Variants in TENM3 observed in about 807,000 individuals in gnomAD.
The protein encoded by TENM3 is teneurin transmembrane protein 3.
In TENM3, 63 loss-of-function variants were observed where a neutral mutation model predicts 255.1. That is an observed-to-expected ratio of 0.25 (90% CI 0.20 to 0.30). The LOEUF is 0.30. Among genes scored for constraint, TENM3 ranks in the 10% least tolerant of loss-of-function variants. TENM3 has a pLI of 1.00. For synonymous variants in TENM3, 1,306 were observed against 1,322.3 expected (o/e 0.99, Z 0.27); for missense variants, 2,929 against 3,461.1 (o/e 0.85, Z 3.86).
the TENM3 span, among the ~76,000 whole-genome samples, chr4:181,503,195 A>T: frequency 6.6e-6 from 1 of 151,990 alleles, no homozygotes; most frequent in African/African-American, 2.4e-5. Flanking sequence ...CAAGACCCCC[A>T]TCTCTACAAA....
the TENM3 span, among the ~76,000 whole-genome samples, chr4:181,704,922 G>A: frequency 3.9e-5 from 6 of 152,036 alleles, no homozygotes; most frequent in African/African-American, 7.2e-5. Flanking sequence ...CTGGCTATTC[G>A]GGAGGCTGAG....
rs182240566 is a variant in TENM3 at position 182,735,482 on chromosome 4, A to G, written c.2968-1326A>G. Reference sequence around the variant, plus strand: ...TAAAGTTTGGAGGTGGCAGATAGACATCATCTTTAACTGTTCTATGTGGAG... The same window carrying G: ...TAAAGTTTGGAGGTGGCAGATAGACGTCATCTTTAACTGTTCTATGTGGAG... On this transcript the variant is annotated intron_variant, in intron 16 of 27. Transcript: ENST00000511685. Among the ~76,000 whole-genome samples, 268 of 152,310 alleles carry G rather than the reference A, an allele frequency of 1.8e-3. 1 individual carries two copies. The highest frequency in any genetic ancestry group is 3.2e-3 in the Non-Finnish European group (216 of 68,018).
intron 19 of TENM3, among the ~76,000 whole-genome samples, chr4:182,750,478 T>C (rs1762293655): frequency 6.6e-6 from 1 of 152,186 alleles, no homozygotes; most frequent in Admixed American, 6.5e-5. Context: ...TAAACAATTT[T>C]AAGAATAGAA....
At chr4:182,309,822 G>A (rs1580112109) in intron 1 of TENM3, among the ~76,000 whole-genome samples, 2 of 152,112 alleles carry the variant, frequency 1.3e-5, no homozygotes. Context: ...TAATGACAGC[G>A]GACATGATTC....
intron 1 of TENM3, among the ~76,000 whole-genome samples, chr4:182,289,373 G>A (rs891027845): frequency 3.3e-5 from 5 of 152,198 alleles, no homozygotes; most frequent in African/African-American, 1.2e-4. Flanking sequence ...ATATGTCATC[G>A]CCCCCTCTGC....
intron 7 of TENM3, among the ~76,000 whole-genome samples, chr4:182,677,188 C>T (rs1755737517): frequency 6.6e-6 from 1 of 152,098 alleles, no homozygotes. Context: ...TTGAATCGCC[C>T]TCCTGAATTC....
At chr4:181,592,457 G>GGACC in the TENM3 span, among the ~76,000 whole-genome samples, 1 of 151,650 alleles carries the variant, frequency 6.6e-6, no homozygotes, top group Non-Finnish European at 1.5e-5. Context: ...GCTTGACAGA[G>GGACC]GACCGGTCGC....
chr4:182,723,987 T>C (rs1481399086), intron 13 of TENM3, among the ~76,000 whole-genome samples: 2 of 152,266 alleles, frequency 1.3e-5, no homozygotes, highest in Admixed American at 1.3e-4. Flanking sequence ...TTAAAAATAA[T>C]GGACAGAAAA....
the TENM3 span, among the ~76,000 whole-genome samples, chr4:181,824,831 C>T: frequency 2.0e-5 from 3 of 152,250 alleles, no homozygotes; most frequent in South Asian, 6.2e-4. Context: ...CTAGCCATGT[C>T]CTGGTGGAAA....
rs186503197 is a variant in TENM3, at chr4:182,250,277, C to A, written c.-76+6801C>A. 5.9e-5 allele frequency among the ~76,000 whole-genome samples: 9 copies of A among 152,134 alleles called. No individual in the cohort carries two copies. In the East Asian group the frequency reaches 1.7e-3, roughly 29 times the overall value. On this transcript the variant is annotated intron_variant, in intron 1 of 27. Transcript: ENST00000511685. ...CTGTGTTAGCCAGGATGGTCTCGAT[C>A]TCCTGACCTCATGATCCACCCGCCT...
At chr4:182,679,071 C>T (rs970132339) in intron 7 of TENM3, among the ~76,000 whole-genome samples, 4 of 152,106 alleles carry the variant, frequency 2.6e-5, no homozygotes, top group Middle Eastern at 3.4e-3. Context: ...GTGTCAGGGG[C>T]TAGGGGAGGG....
chr4:181,805,817 T>C, the TENM3 span, among the ~76,000 whole-genome samples: 38,548 of 152,014 alleles, frequency 0.25, 5,347 homozygotes, highest in Non-Finnish European at 0.32. Flanking sequence ...TTATTTCCTT[T>C]CTCTAATTTG....
the TENM3 span, among the ~76,000 whole-genome samples, chr4:181,572,184 TC>T: frequency 0.33 from 50,320 of 152,046 alleles, 8,636 homozygotes; most frequent in Middle Eastern, 0.4. Flanking sequence ...TTCCCAAAGT[TC>T]GGAATGCTTG....
the TENM3 span, among the ~76,000 whole-genome samples, chr4:181,687,512 C>T: frequency 4.6e-5 from 7 of 152,120 alleles, no homozygotes; most frequent in African/African-American, 7.2e-5. Flanking sequence ...ATTCCTTTGA[C>T]GACTTGTTTC....
intron 1 of TENM3, among the ~76,000 whole-genome samples, chr4:182,277,010 T>TA (rs1158826535): frequency 6.6e-6 from 1 of 152,240 alleles, no homozygotes; most frequent in African/African-American, 2.4e-5. Context: ...GAAGCATTTA[T>TA]AAAAGGCCTC....
the TENM3 span, among the ~76,000 whole-genome samples, chr4:181,799,229 C>T: frequency 1.3e-5 from 2 of 152,242 alleles, no homozygotes; most frequent in South Asian, 2.1e-4. Flanking sequence ...ATTAATAAAG[C>T]GAGTGATAGC....
chr4:182,441,935 T>G (rs1772522757), intron 3 of TENM3, among the ~76,000 whole-genome samples: 1 of 152,114 alleles, frequency 6.6e-6, no homozygotes, highest in Non-Finnish European at 1.5e-5. Flanking sequence ...TGGAAGGAGC[T>G]ACAGACAAGT....
the TENM3 span, among the ~76,000 whole-genome samples, chr4:181,458,491 G>GA: frequency 6.6e-6 from 1 of 151,748 alleles, no homozygotes; most frequent in Non-Finnish European, 1.5e-5. Context: ...AATGCTTTTT[G>GA]AAAAAACAAG....
intron 3 of TENM3, among the ~76,000 whole-genome samples, chr4:182,577,084 G>A (rs6552577): frequency 0.53 from 80,164 of 151,898 alleles, 23,107 homozygotes; most frequent in Non-Finnish European, 0.64. Context: ...AGCCTCTTTC[G>A]GTCGTCCTGA....
Sources: gnomAD v4.1 joint callset for allele counts (sites outside exome capture counted in the v4.1 genomes callset) on GRCh38, gnomAD v4.1.1 for gene constraint, MANE v1.5 for transcripts, NCBI Gene and HGNC (gene_info 2026-07-23, HGNC 2026-07-21) for gene names.